The following OR2L13 variants were observed in gnomAD, a reference collection of about 807,000 sequenced individuals.
The protein encoded by OR2L13 is olfactory receptor 2L13.
OR2L13 carries 14 observed loss-of-function variants against 15.3 expected under a neutral mutation model. That is an observed-to-expected ratio of 0.91 (90% confidence interval 0.60 to 1.43). The LOEUF (loss-of-function observed/expected upper bound fraction) is 1.43. OR2L13 is among the 40% of genes most tolerant of loss of function. The probability of loss-of-function intolerance (pLI) is 0.00; values close to 1 mark genes in which losing one functional copy is unlikely to be tolerated. For synonymous variants in OR2L13, 152 were observed against 142.9 expected (o/e 1.06, Z -0.45); for missense variants, 367 against 387.9 (o/e 0.95, Z 0.45).
chr1:247,980,899 A>C, the OR2L13 span: 1 of 152,202 alleles, frequency 6.6e-6, no homozygotes, highest in African/African-American at 2.4e-5. Flanking sequence ...CAGCTAACCA[A>C]GGCAGTGTGT....
the OR2L13 span, among the ~76,000 whole-genome samples, chr1:248,088,707 G>T: frequency 3.3e-5 from 5 of 152,192 alleles, no homozygotes; most frequent in Middle Eastern, 3.4e-3. Context: ...TAATAGTCCT[G>T]CTCAAAGACT....
chr1:248,026,896 A>G, the OR2L13 span, among the ~76,000 whole-genome samples: 9 of 151,616 alleles, frequency 5.9e-5, no homozygotes, highest in African/African-American at 2.2e-4. Flanking sequence ...TAACTGCACA[A>G]ATTGTTTGTA....
chr1:248,030,636 A>G, the OR2L13 span, among the ~76,000 whole-genome samples: 5 of 151,974 alleles, frequency 3.3e-5, no homozygotes, highest in African/African-American at 1.2e-4. Flanking sequence ...GCCATGAGTG[A>G]TGTGCGATTG....
chr1:248,086,356 G>A, the OR2L13 span, among the ~76,000 whole-genome samples: 6 of 152,026 alleles, frequency 3.9e-5, no homozygotes, highest in East Asian at 3.9e-4. Context: ...AGTAAATATC[G>A]CTTTAATTTG....
chr1:248,090,152 C>A, the OR2L13 span, among the ~76,000 whole-genome samples: 1 of 152,126 alleles, frequency 6.6e-6, no homozygotes, highest in Non-Finnish European at 1.5e-5. Flanking sequence ...GCTGCAATCC[C>A]CATGTCAGCA....
the OR2L13 span, among the ~76,000 whole-genome samples, chr1:248,007,979 T>C: frequency 3.9e-5 from 6 of 152,248 alleles, no homozygotes; most frequent in African/African-American, 1.4e-4. Context: ...CTCAGCATAT[T>C]TATTAGTTTG....
chr1:248,088,563 T>C, the OR2L13 span, among the ~76,000 whole-genome samples: 1 of 152,190 alleles, frequency 6.6e-6, no homozygotes, highest in Non-Finnish European at 1.5e-5. Flanking sequence ...TCCATGTTCA[T>C]TGATGTCATT....
At chr1:247,942,569 T>C in the OR2L13 span, among the ~76,000 whole-genome samples, 2 of 152,144 alleles carry the variant, frequency 1.3e-5, no homozygotes, top group Admixed American at 1.3e-4. Context: ...TAATTTGGTG[T>C]TCTAAATTTT....
chr1:247,982,106 C>T, the OR2L13 span, among the ~76,000 whole-genome samples: 5,887 of 152,204 alleles, frequency 0.039, 353 homozygotes, highest in African/African-American at 0.13. Flanking sequence ...TGAGCCACCG[C>T]GCCTGGCCCA....
chr1:248,013,400 A>G, the OR2L13 span, among the ~76,000 whole-genome samples: 17 of 152,278 alleles, frequency 1.1e-4, 1 homozygote, highest in South Asian at 2.1e-3. Flanking sequence ...TAATTACACA[A>G]TGAGAACTCA....
chr1:248,043,740 AACAGCTACTCC>A, the OR2L13 span, among the ~76,000 whole-genome samples: 6 of 152,190 alleles, frequency 3.9e-5, no homozygotes, highest in African/African-American at 1.4e-4. Context: ...AGTGTGAAAG[AACAGCTACTCC>A]ACAGACAGAG....
chr1:247,986,659 G>A, the OR2L13 span, among the ~76,000 whole-genome samples: 9 of 152,136 alleles, frequency 5.9e-5, 1 homozygote, highest in Admixed American at 1.3e-4. Context: ...AAAGTCATTG[G>A]TAGCTTGATG....
the OR2L13 span, among the ~76,000 whole-genome samples, chr1:248,009,944 G>A: frequency 6.6e-6 from 1 of 152,088 alleles, no homozygotes; most frequent in East Asian, 1.9e-4. Flanking sequence ...ATGCGGAAAA[G>A]ACCTTCAATA....
the OR2L13 span, among the ~76,000 whole-genome samples, chr1:247,946,740 A>G: frequency 7.2e-5 from 11 of 152,140 alleles, no homozygotes; most frequent in East Asian, 2.1e-3. Context: ...CTCCTCCATA[A>G]TCACCCCCAG....
chr1:248,035,361 A>C, the OR2L13 span, among the ~76,000 whole-genome samples: 1 of 152,086 alleles, frequency 6.6e-6, no homozygotes, highest in Non-Finnish European at 1.5e-5. Context: ...AGGCAGGAGA[A>C]TGGAGTGAAC....
the OR2L13 span, among the ~76,000 whole-genome samples, chr1:248,028,616 G>A: frequency 1.3e-5 from 2 of 152,126 alleles, no homozygotes; most frequent in Non-Finnish European, 2.9e-5. Flanking sequence ...AAAACAAGTT[G>A]TGGCCTACGA....
At chr1:247,990,667 C>T in the OR2L13 span, 19 of 1,525,740 alleles carry the variant, frequency 1.2e-5, no homozygotes, top group Middle Eastern at 1.7e-4. Context: ...CTATCCCATC[C>T]GTATGAGAAA....
chr1:247,961,134 C>T, the OR2L13 span, among the ~76,000 whole-genome samples: 5,568 of 152,176 alleles, frequency 0.037, 114 homozygotes, highest in African/African-American at 0.057. Context: ...TTTTAAAAAT[C>T]GGGTGGCTCA....
chr1:247,975,009 C>A, the OR2L13 span: 1 of 318,196 alleles, frequency 3.1e-6, no homozygotes, highest in South Asian at 3.6e-5. Flanking sequence ...GGAAACAAGT[C>A]TATTTCCTTC....
Sources: gnomAD v4.1 joint callset for allele counts (sites outside exome capture counted in the v4.1 genomes callset) on GRCh38, gnomAD v4.1.1 for gene constraint, MANE v1.5 for transcripts, NCBI Gene and HGNC (gene_info 2026-07-23, HGNC 2026-07-21) for gene names.